The following TUSC3 variants were observed in gnomAD, a reference collection of about 807,000 sequenced individuals.
The protein encoded by TUSC3 is dolichyl-diphosphooligosaccharide--protein glycosyltransferase subunit TUSC3.
TUSC3 carries 45 observed loss-of-function variants against 44.8 expected under a neutral mutation model. The observed-to-expected ratio is 1.00, with a 90% CI of 0.79 to 1.29. The LOEUF is 1.29. TUSC3 is among the 50% of genes most tolerant of loss of function. The pLI is 0.00. For missense variants in TUSC3, 519 were observed against 437.9 expected (o/e 1.19, Z -1.65); for synonymous variants, 212 against 152.9 (o/e 1.39, Z -2.85).
chr8:15,499,884 G>A (rs1482066524), intron 2 of TUSC3, among the ~76,000 whole-genome samples: 2 of 151,828 alleles, frequency 1.3e-5, no homozygotes, highest in Non-Finnish European at 2.9e-5. Flanking sequence ...ACATACATAC[G>A]TACACACACA....
the TUSC3 span, among the ~76,000 whole-genome samples, chr8:15,820,606 C>T: frequency 2.0e-5 from 3 of 152,134 alleles, no homozygotes; most frequent in Admixed American, 6.6e-5. Context: ...GCGTGAGCCA[C>T]GGCAGCCAGC....
chr8:15,730,558 T>C (rs950499330), intron 6 of TUSC3, 108 bp from the exon 7 acceptor site: 7 of 1,052,958 alleles, frequency 6.6e-6, no homozygotes, highest in Admixed American at 6.3e-5. Flanking sequence ...AATAAAAAAT[T>C]AGTAAAAATC....
chr8:15,600,209 T>C (rs1417576042), intron 1 of TUSC3, among the ~76,000 whole-genome samples: 2 of 151,788 alleles, frequency 1.3e-5, no homozygotes, highest in Non-Finnish European at 1.5e-5. Context: ...ATGTTTTCTA[T>C]TAGAAAACTG....
chr8:15,490,353 A>T (rs898510484), intron 2 of TUSC3, among the ~76,000 whole-genome samples: 2 of 152,168 alleles, frequency 1.3e-5, no homozygotes, highest in Non-Finnish European at 2.9e-5. Context: ...CATGACTTCT[A>T]TCAGAGTTGC....
At chr8:15,504,225 T>C (rs1464484729) in intron 2 of TUSC3, among the ~76,000 whole-genome samples, 1 of 152,004 alleles carries the variant, frequency 6.6e-6, no homozygotes, top group Admixed American at 6.6e-5. Flanking sequence ...TGAGTAATTT[T>C]GAGAGCCTCC....
the TUSC3 span, among the ~76,000 whole-genome samples, chr8:15,776,029 G>C: frequency 6.6e-6 from 1 of 151,922 alleles, no homozygotes; most frequent in Non-Finnish European, 1.5e-5. Flanking sequence ...CTGTAGAAAA[G>C]ATGTGTTCAT....
At chr8:15,668,536 A>G (rs569330502) in intron 5 of TUSC3, among the ~76,000 whole-genome samples, 2 of 151,892 alleles carry the variant, frequency 1.3e-5, no homozygotes, top group Admixed American at 1.3e-4. Context: ...GGGACCTTAC[A>G]TGTGTAGTGA....
the TUSC3 span, among the ~76,000 whole-genome samples, chr8:15,798,714 A>C: frequency 6.6e-6 from 1 of 152,042 alleles, no homozygotes; most frequent in Non-Finnish European, 1.5e-5. Flanking sequence ...ACTGCTTTCC[A>C]GCCGGGACCA....
At chr8:15,808,841 C>T in the TUSC3 span, among the ~76,000 whole-genome samples, 2,923 of 141,460 alleles carry the variant, frequency 0.021, 37 homozygotes, top group Middle Eastern at 0.081. Context: ...TGAAGCTCCT[C>T]AACCTACACA....
chr8:15,538,299 G>C (rs376780904), upstream of TUSC3, among the ~76,000 whole-genome samples: 1 of 152,216 alleles, frequency 6.6e-6, no homozygotes, highest in African/African-American at 2.4e-5. Context: ...TTCTGGTTCA[G>C]AGTGCTGCAG....
At chr8:15,742,065 G>A (rs2129213748) in intron 7 of TUSC3, among the ~76,000 whole-genome samples, 1 of 152,304 alleles carries the variant, frequency 6.6e-6, no homozygotes, top group South Asian at 2.1e-4. Context: ...AAAGTCTACA[G>A]ACTACCATAC....
intron 2 of TUSC3, among the ~76,000 whole-genome samples, chr8:15,484,580 A>G (rs963483399): frequency 6.6e-6 from 1 of 152,238 alleles, no homozygotes; most frequent in African/African-American, 2.4e-5. Flanking sequence ...GGTGTAGGGC[A>G]TAGATAAAAA....
chr8:15,436,016 A>G (rs1416374825), intron 1 of TUSC3, among the ~76,000 whole-genome samples: 1 of 152,188 alleles, frequency 6.6e-6, no homozygotes, highest in African/African-American at 2.4e-5. Context: ...CTGGGGCTGC[A>G]GTTATCTGAA....
downstream of TUSC3, among the ~76,000 whole-genome samples, chr8:15,768,671 T>C (rs2543114): frequency 0.27 from 40,395 of 152,086 alleles, 5,680 homozygotes; most frequent in Non-Finnish European, 0.31. Context: ...GTAGATGACA[T>C]GGTTGTACAT....
At chr8:15,530,179 T>C (rs528825799) in intron 2 of TUSC3, among the ~76,000 whole-genome samples, 1 of 152,056 alleles carries the variant, frequency 6.6e-6, no homozygotes, top group Admixed American at 6.6e-5. Context: ...TGGTAGTCTG[T>C]TGTCCACACA....
At chr8:15,778,975 C>T in the TUSC3 span, among the ~76,000 whole-genome samples, 3 of 152,118 alleles carry the variant, frequency 2.0e-5, no homozygotes, top group African/African-American at 4.8e-5. Context: ...AATAATATCA[C>T]TTCTACACAA....
intron 6 of TUSC3, among the ~76,000 whole-genome samples, chr8:15,692,973 C>T (rs1473805251): frequency 6.6e-6 from 1 of 152,070 alleles, no homozygotes; most frequent in Non-Finnish European, 1.5e-5. Flanking sequence ...ATTGGAATAC[C>T]AAACTCTGCT....
chr8:15,785,646 A>G, the TUSC3 span, among the ~76,000 whole-genome samples: 4 of 151,982 alleles, frequency 2.6e-5, no homozygotes, highest in Non-Finnish European at 4.4e-5. Flanking sequence ...CTTACCTCCA[A>G]CCATGCCCCT....
the TUSC3 span, among the ~76,000 whole-genome samples, chr8:15,820,304 G>C: frequency 5.2e-5 from 7 of 135,016 alleles, no homozygotes; most frequent in African/African-American, 1.9e-4. Flanking sequence ...ATATTGATCT[G>C]TAATTCTTTT....
Sources: gnomAD v4.1 joint callset for allele counts (sites outside exome capture counted in the v4.1 genomes callset) on GRCh38, gnomAD v4.1.1 for gene constraint, MANE v1.5 for transcripts, NCBI Gene and HGNC (gene_info 2026-07-23, HGNC 2026-07-21) for gene names.